The following ARFGEF2 variants were observed in gnomAD, a reference collection of about 807,000 sequenced individuals.
ARFGEF2 encodes ARF guanine nucleotide exchange factor 2, also known as brefeldin A-inhibited guanine nucleotide-exchange protein 2.
A neutral mutation model predicts 219.9 loss-of-function variants in ARFGEF2; 74 were observed. The observed-to-expected ratio is 0.34, with a 90% confidence interval of 0.28 to 0.41. ARFGEF2 has a LOEUF of 0.41. ARFGEF2 is among the 10% of genes least tolerant of loss of function. ARFGEF2 has a pLI of 1.00. For missense variants in ARFGEF2, 1,743 were observed against 2,218.3 expected (o/e 0.79, Z 4.30); for synonymous variants, 733 against 799.2 (o/e 0.92, Z 1.40).
chr20:48,951,600 A>G, intron 4 of ARFGEF2, 131 bp downstream of exon 4: 5 of 1,242,604 alleles, frequency 4.0e-6, no homozygotes, highest in East Asian at 2.4e-5. Flanking sequence ...TTTAAGCGTC[A>G]CTTAGATCTT....
chr20:48,952,659 G>A (rs1568700583), intron 4 of ARFGEF2, 46 bp from the exon 5 acceptor site: 1 of 1,587,768 alleles, frequency 6.3e-7, no homozygotes, highest in Non-Finnish European at 8.7e-7. Context: ...AGGGCAGGAA[G>A]GTGATGTGCG....
At chr20:48,935,778 C>A (rs1206006654) in intron 1 of ARFGEF2, among the ~76,000 whole-genome samples, 2 of 146,410 alleles carry the variant, frequency 1.4e-5, no homozygotes, top group African/African-American at 5.1e-5. Flanking sequence ...GGGGCTGACC[C>A]CCCCACCTCC....
chr20:48,982,475 G>A (rs2091302460), intron 14 of ARFGEF2, among the ~76,000 whole-genome samples: 1 of 152,206 alleles, frequency 6.6e-6, no homozygotes, highest in South Asian at 2.1e-4. Context: ...CCCACTTGAG[G>A]AGGCAGGCTG....
chr20:48,961,760 A>T (rs1224762965), intron 6 of ARFGEF2, among the ~76,000 whole-genome samples: 1 of 151,746 alleles, frequency 6.6e-6, no homozygotes, highest in South Asian at 2.1e-4. Flanking sequence ...GTTACTCAGG[A>T]GGCTGAGGCA....
intron 1 of ARFGEF2, 50 bp downstream of exon 1, chr20:48,922,060 C>G (rs1210267982): frequency 1.3e-6 from 2 of 1,549,968 alleles, no homozygotes; most frequent in Non-Finnish European, 1.7e-6. Flanking sequence ...GCACGTCGGC[C>G]GTTGCCCTAT....
At chr20:49,013,726 A>C (rs750340715) in intron 29 of ARFGEF2, 32 bp downstream of exon 29, 4 of 1,614,062 alleles carry the variant, frequency 2.5e-6, no homozygotes, top group Non-Finnish European at 3.4e-6. Flanking sequence ...GGCCCCTTAC[A>C]TCACTGAAAT....
At chr20:48,936,369 C>T (rs1409956593) in intron 1 of ARFGEF2, among the ~76,000 whole-genome samples, 2 of 151,490 alleles carry the variant, frequency 1.3e-5, no homozygotes, top group Non-Finnish European at 3.0e-5. Flanking sequence ...ACCTCCCTCC[C>T]GGACGAGGTG....
At chr20:48,978,967 C>T (rs2091279025) in intron 14 of ARFGEF2, among the ~76,000 whole-genome samples, 1 of 152,186 alleles carries the variant, frequency 6.6e-6, no homozygotes, top group African/African-American at 2.4e-5. Flanking sequence ...CGCTTTATTT[C>T]TTTCTCTTGC....
In ARFGEF2 at chr20:49,030,001, G is replaced by A. The variant is rs187930536; in HGVS notation, c.5063+1333G>A. On this transcript the variant is annotated intron_variant, in intron 37 of 38. Coordinates refer to ENST00000371917, the MANE Select transcript of ARFGEF2 (RefSeq NM_006420.3). ...TGGCTCACTGCCACCTCTGCCTCCC[G>A]GGTTCAAGTGATTCTTCTGCATCAG... 5.7e-4 allele frequency among the ~76,000 whole-genome samples: 84 copies of A among 148,386 alleles called. 1 individual carries two copies. In the South Asian group the frequency reaches 0.013, roughly 23 times the overall value.
intron 26 of ARFGEF2, among the ~76,000 whole-genome samples, chr20:49,008,707 G>GTTTTT (rs796608906): frequency 1.4e-4 from 19 of 132,438 alleles, no homozygotes; most frequent in African/African-American, 2.3e-4. Flanking sequence ...TCATGTAAAG[G>GTTTTT]TTTTTTTTTT....
chr20:48,960,339 T>C (rs2091139326), intron 6 of ARFGEF2, among the ~76,000 whole-genome samples: 1 of 152,158 alleles, frequency 6.6e-6, no homozygotes, highest in South Asian at 2.1e-4. Context: ...GCACTTACCA[T>C]GGATGGAGCT....
At chr20:48,930,648 G>A (rs1196730077) in intron 1 of ARFGEF2, among the ~76,000 whole-genome samples, 1 of 152,190 alleles carries the variant, frequency 6.6e-6, no homozygotes, top group Non-Finnish European at 1.5e-5. Flanking sequence ...ATCTGAGTTG[G>A]GACTTGGATG....
intron 36 of ARFGEF2, among the ~76,000 whole-genome samples, chr20:49,026,106 A>T (rs1213973859): frequency 2.0e-5 from 3 of 152,044 alleles, no homozygotes; most frequent in Non-Finnish European, 2.9e-5. Flanking sequence ...AGGCTAAGGC[A>T]GGCGGATTGC....
intron 22 of ARFGEF2, among the ~76,000 whole-genome samples, chr20:48,995,229 A>T (rs1482040432): frequency 1.3e-5 from 2 of 152,230 alleles, no homozygotes; most frequent in East Asian, 1.9e-4. Context: ...GCAGCATCAT[A>T]CTGCAAAGGA....
intron 3 of ARFGEF2, among the ~76,000 whole-genome samples, chr20:48,942,338 T>C (rs1010385453): frequency 1.3e-5 from 2 of 152,156 alleles, no homozygotes; most frequent in Non-Finnish European, 2.9e-5. Flanking sequence ...TTTGTAGAGA[T>C]GCAGTCTTGC....
rs1238465513 is a variant in ARFGEF2 at position 48,921,718 on chromosome 20, C to G, written c.-172C>G. Among the ~76,000 whole-genome samples the G allele has an allele frequency of 6.6e-6, 1 of 152,066 alleles. No homozygotes were observed. The highest frequency in any genetic ancestry group is 2.4e-5 in the African/African-American group (1 of 41,442). ...GTAGCGGCCTCGCCAGTCACGTGGT[C>G]ACGTGACGCGCTCCAACATGGCGGC... On this transcript the variant is annotated 5_prime_UTR_variant, in exon 1 of 39. Coordinates refer to ENST00000371917, the MANE Select transcript of ARFGEF2 (RefSeq NM_006420.3).
At position 48,984,601 on chromosome 20, in the gene ARFGEF2, A is replaced by G. The variant is rs530027026; in HGVS notation, c.1959-128A>G. On this transcript the variant is annotated intron_variant, in intron 14 of 38. Transcript: ENST00000371917. ...ATTTAGAAAAGCTGCCAGGACAGAC[A>G]TGACCTTGCTAGCTTATACGTGATG... 34 of 1,220,922 alleles carry G rather than the reference A, an allele frequency of 2.8e-5. No homozygotes were observed. The Admixed American group carries it at 3.4e-4, about 12-fold the overall frequency. The allele number at this position is 1,220,922 out of a possible 1,614,324, so 75.6% of individuals were successfully genotyped here.
intron 23 of ARFGEF2, among the ~76,000 whole-genome samples, chr20:48,996,307 TAGTC>T (rs1247273392): frequency 2.0e-5 from 3 of 150,884 alleles, no homozygotes; most frequent in Admixed American, 1.3e-4. Flanking sequence ...TACAAAAAAT[TAGTC>T]AGGCGTGGTG....
intron 26 of ARFGEF2, among the ~76,000 whole-genome samples, chr20:49,006,455 G>C (rs2091459855): frequency 6.6e-6 from 1 of 152,046 alleles, no homozygotes; most frequent in South Asian, 2.1e-4. Context: ...ACAAATCTCT[G>C]TTTAATTCCA....
Sources: allele counts gnomAD v4.1 joint callset (sites outside exome capture counted in the v4.1 genomes callset), GRCh38; gene constraint gnomAD v4.1.1; transcripts MANE v1.5; gene names NCBI Gene and HGNC (gene_info 2026-07-23, HGNC 2026-07-21).